TRIM24: variants seen among roughly 807,000 people sequenced by gnomAD.
TRIM24 encodes the protein transcription intermediary factor 1-alpha.
In TRIM24, 29 loss-of-function variants were observed where a neutral mutation model predicts 123.9. The observed-to-expected ratio is 0.23, with a 90% CI of 0.17 to 0.32. The LOEUF (loss-of-function observed/expected upper bound fraction) is 0.32, where lower values mean the gene tolerates loss of function less well. TRIM24 is among the 10% of genes least tolerant of loss of function. TRIM24 has a pLI of 1.00. For synonymous variants in TRIM24, 456 were observed against 461.1 expected, an observed-to-expected ratio of 0.99 and a Z score of 0.14; for missense variants, 932 against 1,295.3, an observed-to-expected ratio of 0.72 and a Z score of 4.31.
chr7:138,508,720 C>T (rs13247805), intron 2 of TRIM24, among the ~76,000 whole-genome samples: 7,512 of 72,052 alleles, frequency 0.1, 257 homozygotes, highest in Admixed American at 0.13. Context: ...TGTGTGTGTG[C>T]GTGTGTGTGT....
chr7:138,480,578 T>G (rs956131729), intron 1 of TRIM24, among the ~76,000 whole-genome samples: 1 of 152,220 alleles, frequency 6.6e-6, no homozygotes, highest in South Asian at 2.1e-4. Flanking sequence ...TGTTAATATA[T>G]CCTGCTGTTC....
chr7:138,465,821 T>A (rs187096958), intron 1 of TRIM24, among the ~76,000 whole-genome samples: 6 of 152,316 alleles, frequency 3.9e-5, no homozygotes, highest in Admixed American at 2.0e-4. Flanking sequence ...TTAAAGGTAT[T>A]TGTAGAAAAG....
rs976392636 is a variant in TRIM24 at position 138,529,215 on chromosome 7, A to G, written c.981A>G (p.Leu327=). The change falls in exon 6 of 19, where the codon CTA becomes CTG. Residue 327 remains leucine, a synonymous_variant. Coordinates refer to ENST00000343526, the MANE Select transcript of TRIM24 (RefSeq NM_015905.3). Reference sequence around the variant, plus strand: ...AAATAAATAAAAAAGGAAAAGCTCTACTGCATCAGTTAGAGGTAAGTGACT... The same window carrying G: ...AAATAAATAAAAAAGGAAAAGCTCTGCTGCATCAGTTAGAGGTAAGTGACT... ...MVEINKKGKA[L]LHQLESLAKD... 1 of 1,547,938 alleles carries G rather than the reference A, an allele frequency of 6.5e-7. No homozygotes were observed. The highest frequency in any genetic ancestry group is 8.7e-7 in the Non-Finnish European group (1 of 1,146,036).
At chr7:138,489,766 T>C (rs1795737630) in intron 1 of TRIM24, among the ~76,000 whole-genome samples, 1 of 152,068 alleles carries the variant, frequency 6.6e-6, no homozygotes, top group Admixed American at 6.6e-5. Flanking sequence ...TGACCTTTCT[T>C]TCTGGCCGCG....
In TRIM24 at chr7:138,585,605, T is replaced by C; in HGVS notation, c.*654T>C. ...GAAAACAAATGTTTGATTTTTGTTT[T>C]TGTTTTTATCTTGTCTGTAGAGGTA... On this transcript the variant is annotated 3_prime_UTR_variant, in exon 19 of 19. Coordinates refer to ENST00000343526, the MANE Select transcript of TRIM24 (RefSeq NM_015905.3). 1 of 323,764 alleles carries C rather than the reference T, an allele frequency of 3.1e-6. No homozygotes were observed. The highest frequency in any genetic ancestry group is 5.9e-6 in the Non-Finnish European group (1 of 170,370). The allele number at this position is 323,764 out of a possible 1,614,324, so 20.1% of individuals were successfully genotyped here.
At chr7:138,545,984 G>A (rs965482053) in intron 7 of TRIM24, among the ~76,000 whole-genome samples, 10 of 152,116 alleles carry the variant, frequency 6.6e-5, no homozygotes, top group African/African-American at 2.4e-4. Flanking sequence ...GTTATAGAAA[G>A]AACAATGGGT....
rs1415277114 is a variant in TRIM24 at position 138,584,854 on chromosome 7, C to T, written c.3056C>T (p.Ser1019Leu). 1 of 1,613,710 alleles carries T rather than the reference C, an allele frequency of 6.2e-7. No individual in the cohort carries two copies. The highest frequency in any genetic ancestry group is 8.5e-7 in the Non-Finnish European group (1 of 1,179,800). The change falls in exon 19 of 19, where the codon TCA becomes TTA. Residue 1019 changes from serine to leucine, a missense_variant. Transcript: ENST00000343526. ...CCCAAACCAGAATTCAGGAATGAAT[C>T]AGAAGATAATAAATTTAGTGATGAT... is the stretch of plus-strand genomic sequence containing the variant. ...RFPKPEFRNE[S>L]EDNKFSDDSD...
chr7:138,533,698 A>C (rs1796798768), intron 6 of TRIM24, among the ~76,000 whole-genome samples: 2 of 152,150 alleles, frequency 1.3e-5, no homozygotes, highest in African/African-American at 2.4e-5. Context: ...TGTCTCTGCC[A>C]GGCTTTGGTA....
chr7:138,501,991 A>G (rs1796050800), intron 1 of TRIM24, among the ~76,000 whole-genome samples: 1 of 152,188 alleles, frequency 6.6e-6, no homozygotes, highest in Admixed American at 6.5e-5. Context: ...ACTGAAAAAA[A>G]AGGTACATCT....
At chr7:138,534,952 C>G (rs906678094) in intron 6 of TRIM24, among the ~76,000 whole-genome samples, 4 of 152,112 alleles carry the variant, frequency 2.6e-5, no homozygotes, top group Admixed American at 2.6e-4. Context: ...TTGAATTGAT[C>G]CCTTTACCAT....
intron 11 of TRIM24, 85 bp downstream of exon 11, chr7:138,571,088 G>A: frequency 7.3e-7 from 1 of 1,362,164 alleles, no homozygotes; most frequent in Non-Finnish European, 1.0e-6. Context: ...CCAGCACTTT[G>A]GGAGGCTGAG....
intron 9 of TRIM24, among the ~76,000 whole-genome samples, chr7:138,557,935 T>G (rs1244397450): frequency 7.0e-6 from 1 of 143,642 alleles, no homozygotes; most frequent in Non-Finnish European, 1.6e-5. Flanking sequence ...CCCATAATAT[T>G]GGATTATTCT....
chr7:138,504,370 A>G lies in TRIM24; in HGVS notation c.445A>G (p.Thr149Ala), dbSNP rs778116707. 4 of 1,602,634 alleles carry G rather than the reference A, an allele frequency of 2.5e-6. No individual in the cohort carries two copies. In the African/African-American group the frequency reaches 4.1e-5, roughly 16 times the overall value. Residue 149 changes from threonine to alanine, a missense_variant, in exon 2 of 19, where the codon ACT becomes GCT. Physicochemically the swap from Thr to Ala is moderately conservative, Grantham distance 58. Transcript: ENST00000343526. ...IIDNFFVKDT[T>A]EVPSSTVEKS... ...AGATAACTTTTTTGTGAAGGACACT[A>G]CTGAGGTTCCCAGCAGTACAGTAGA...
At chr7:138,560,508 C>G (rs1051390386) in intron 9 of TRIM24, among the ~76,000 whole-genome samples, 5 of 152,140 alleles carry the variant, frequency 3.3e-5, no homozygotes, top group Non-Finnish European at 7.4e-5. Context: ...GGGTGTGGCT[C>G]CTATTTACTG....
intron 1 of TRIM24, among the ~76,000 whole-genome samples, chr7:138,493,463 G>C (rs1394616239): frequency 6.6e-6 from 1 of 152,168 alleles, no homozygotes. Context: ...CGAAGTCTTT[G>C]TTCCTTGTTA....
intron 1 of TRIM24, among the ~76,000 whole-genome samples, chr7:138,466,433 T>A (rs1326117807): frequency 3.4e-5 from 5 of 148,290 alleles, no homozygotes; most frequent in Non-Finnish European, 7.5e-5. Flanking sequence ...GATTTTGGTT[T>A]GTCTTTTGCA....
chr7:138,460,946 G>A (rs990855542), intron 1 of TRIM24, 34 bp downstream of exon 1: 3 of 1,398,032 alleles, frequency 2.1e-6, no homozygotes, highest in African/African-American at 1.5e-5. Flanking sequence ...GGGAGCCCGG[G>A]GAGAGGGCCA....
Position 138,521,168 on chromosome 7 carries a change from C to A in TRIM24, c.764+1847C>A, listed in dbSNP as rs754887542. ...ACTGGGAGAGCATATCCCTGCTAAA[C>A]TCTCATTTAAAGTACCTCTTAGTAG... On this transcript the variant is annotated intron_variant, in intron 4 of 18. Transcript: ENST00000343526. 8.1e-4 allele frequency among the ~76,000 whole-genome samples: 124 copies of A among 152,260 alleles called. No individual in the cohort carries two copies. The Middle Eastern group carries it at 0.014, about 17-fold the overall frequency.
rs771875903 is a variant in TRIM24, at chr7:138,561,655, GATA to G, written c.1531-5823_1531-5821del. Among the ~76,000 whole-genome samples, 370 of 152,238 alleles carry G rather than the reference GATA, an allele frequency of 2.4e-3. 4 individuals are homozygous for G. The highest frequency in any genetic ancestry group is 3.4e-3 in the Middle Eastern group (1 of 294). On this transcript the variant is annotated intron_variant, in intron 9 of 18. Transcript: ENST00000343526. Reference sequence around the variant, plus strand: ...TAGTGCCACAGAATCCAGTTGCTTGGATAATTATGCTACCGGGCCATGCCATGA... The same window carrying G: ...TAGTGCCACAGAATCCAGTTGCTTGGATTATGCTACCGGGCCATGCCATGA...
Sources: allele counts gnomAD v4.1 joint callset (sites outside exome capture counted in the v4.1 genomes callset), GRCh38; gene constraint gnomAD v4.1.1; transcripts MANE v1.5; gene names NCBI Gene and HGNC (gene_info 2026-07-23, HGNC 2026-07-21).